Variants in OR5B3 observed in about 807,000 individuals in gnomAD.
OR5B3 encodes the protein olfactory receptor 5B3.
For synonymous variants in OR5B3, 150 were observed against 135.0 expected (o/e 1.11, Z -0.77); for missense variants, 430 against 375.4 (o/e 1.15, Z -1.20).
intron 1 of OR5B3, among the ~76,000 whole-genome samples, chr11:58,405,784 A>T (rs553961836): frequency 1.3e-5 from 2 of 152,258 alleles, no homozygotes; most frequent in South Asian, 4.1e-4. Flanking sequence ...AAAAAGACAC[A>T]TGTACCTGTA....
chr11:58,403,487 G>T (rs1386814443), intron 1 of OR5B3, 52 bp from the exon 2 acceptor site: 8 of 813,448 alleles, frequency 9.8e-6, no homozygotes, highest in Non-Finnish European at 1.6e-5. Context: ...AATTAAAATT[G>T]AAAAGTATAA....
rs151273431 is a variant in OR5B3 at position 58,402,758 on chromosome 11, A to G, written c.652T>C (p.Phe218Leu). The change falls in exon 2 of 2, where the codon TTC becomes CTC. Residue 218 changes from phenylalanine (F) to leucine (L), a missense_variant. Coordinates refer to ENST00000641865, the MANE Select transcript of OR5B3 (RefSeq NM_001005469.2). ...ATCTTTAGGATGGTGATAAAAATGA[A>G]TGTGTAGGATATCAAGATAACCAGG... ...ALLVILISYTFIFITILKMHS... is the reference protein window; with the variant it reads ...ALLVILISYTLIFITILKMHS... 1.9e-5 allele frequency: 31 copies of G among 1,613,932 alleles called. No individual in the cohort carries two copies. The African/African-American group carries it at 4.0e-4, about 21-fold the overall frequency.
At position 58,402,946 on chromosome 11, in the gene OR5B3, G is replaced by C. The variant is rs1161732467; in HGVS notation, c.464C>G (p.Ser155Cys). The stretch of plus-strand genomic sequence containing the variant: ...ACTAAATGTGTCCCCAGTGTGGATG[G>C]AGGCATTCAGGAAACCACAGAGGTA... ...GSYLCGFLNA[S>C]IHTGDTFSLS... Residue 155 changes from serine to cysteine, a missense_variant, in exon 2 of 2, where the codon TCC becomes TGC. Coordinates refer to ENST00000641865, the MANE Select transcript of OR5B3 (RefSeq NM_001005469.2). 1 of 1,613,712 alleles carries C rather than the reference G, an allele frequency of 6.2e-7. No homozygotes were observed. Among genetic ancestry groups the C allele is most frequent in the Middle Eastern group, 1.7e-4 (1 of 6,060 alleles).
intron 1 of OR5B3, among the ~76,000 whole-genome samples, chr11:58,404,787 C>G (rs1437318847): frequency 6.6e-6 from 1 of 152,028 alleles, no homozygotes; most frequent in Non-Finnish European, 1.5e-5. Flanking sequence ...TATGGGCTAT[C>G]TTTATTTAGC....
chr11:58,403,076 G>A lies in OR5B3; in HGVS notation c.334C>T (p.Leu112Phe), dbSNP rs750381687. The change falls in exon 2 of 2, where the codon CTC becomes TTC. Residue 112 changes from leucine (L) to phenylalanine (F), a missense_variant. By Grantham distance (22) the Leu-to-Phe change is conservative. Coordinates refer to ENST00000641865, the MANE Select transcript of OR5B3 (RefSeq NM_001005469.2). ...FVAFATVENY[L>F]LASMAYDRYA... ...CGGTCATAGGCCATTGAGGCCAAGA[G>A]GTAATTTTCCACAGTGGCAAAAGCT... is the stretch of plus-strand genomic sequence containing the variant. The A allele has an allele frequency of 6.2e-7, 1 of 1,614,066 alleles. No individual in the cohort carries two copies. The highest frequency in any genetic ancestry group is 8.5e-7 in the Non-Finnish European group (1 of 1,179,936).
chr11:58,403,997 G>A (rs981456550), intron 1 of OR5B3, among the ~76,000 whole-genome samples: 1 of 152,080 alleles, frequency 6.6e-6, no homozygotes, highest in African/African-American at 2.4e-5. Flanking sequence ...GGTCTAAACT[G>A]AATTTAAATC....
chr11:58,403,728 T>A (rs12575804), intron 1 of OR5B3, among the ~76,000 whole-genome samples: 4 of 152,048 alleles, frequency 2.6e-5, no homozygotes, highest in African/African-American at 4.8e-5. Flanking sequence ...TGCATCTATC[T>A]GTCAATTTAC....
chr11:58,405,816 C>G (rs536431725), intron 1 of OR5B3, among the ~76,000 whole-genome samples: 6 of 151,712 alleles, frequency 4.0e-5, no homozygotes, highest in Non-Finnish European at 8.8e-5. Flanking sequence ...ACGCTATTCA[C>G]AACAATGAAA....
rs1297657870 is a variant in OR5B3, at chr11:58,403,162, A to T, written c.248T>A (p.Phe83Tyr). The stretch of plus-strand genomic sequence containing the variant: ...AGAGATGACCTTGTCTTCTATAAGG[A>T]ATCCAGCCATGACGATGGGAGTGAC... ...SAVTPIVMAGFLIEDKVISYN... is the reference protein window; with the variant it reads ...SAVTPIVMAGYLIEDKVISYN... Residue 83 changes from phenylalanine (F) to tyrosine (Y), a missense_variant, in exon 2 of 2, where the codon TTC becomes TAC. By Grantham distance (22) the Phe-to-Tyr change is conservative. Coordinates refer to ENST00000641865, the MANE Select transcript of OR5B3 (RefSeq NM_001005469.2). 1 of 1,613,944 alleles carries T rather than the reference A, an allele frequency of 6.2e-7. No homozygotes were observed. The highest frequency in any genetic ancestry group is 8.5e-7 in the Non-Finnish European group (1 of 1,179,950).
At chr11:58,406,627 C>A (rs1387772448) in intron 1 of OR5B3, among the ~76,000 whole-genome samples, 174 bp downstream of exon 1, 3 of 152,112 alleles carry the variant, frequency 2.0e-5, no homozygotes, top group Middle Eastern at 3.4e-3. Flanking sequence ...TCATAAGAAC[C>A]ACTAAATTTC....
Position 58,402,698 on chromosome 11 carries a change from T to C in OR5B3, c.712A>G (p.Thr238Ala), listed in dbSNP as rs1590704534. 15 of 1,613,836 alleles carry C rather than the reference T, an allele frequency of 9.3e-6. No homozygotes were observed. The highest frequency in any genetic ancestry group is 1.7e-5 in the Admixed American group (1 of 59,912). Reference protein sequence around the residue: ...SASVYQKPLSTCASHFIAVGI... With the variant: ...SASVYQKPLSACASHFIAVGI... ...ACTGCAATGAAATGAGAGGCACAGG[T>C]GGACAAAGGCTTCTGGTATACTGAA... Residue 238 changes from threonine to alanine, a missense_variant, in exon 2 of 2, where the codon ACC becomes GCC. Transcript: ENST00000641865.
At position 58,402,860 on chromosome 11, in the gene OR5B3, C is replaced by T. The variant is rs367618469; in HGVS notation, c.550G>A (p.Val184Ile). The T allele has an allele frequency of 1.2e-6, 2 of 1,613,950 alleles. No homozygotes were observed. The highest frequency in any genetic ancestry group is 1.1e-5 in the South Asian group (1 of 91,076). ...HFFCDIPAVM[V>I]LSCSDRHISE... ...ATATGTCTATCAGAGCAAGAGAGAA[C>T]CATGACTGCTGGAATATCACAGAAA... is the stretch of plus-strand genomic sequence containing the variant. Residue 184 changes from valine to isoleucine, a missense_variant, in exon 2 of 2, where the codon GTT becomes ATT. By Grantham distance (29) the Val-to-Ile change is conservative. Transcript: ENST00000641865.
rs1230408779 is a variant in OR5B3, at chr11:58,403,448, C to CA, written c.-26-14dup. 9.3e-7 allele frequency: 1 copy of CA among 1,077,334 alleles called. No homozygotes were observed. The highest frequency in any genetic ancestry group is 1.3e-6 in the Non-Finnish European group (1 of 744,516). The allele number at this position is 1,077,334 out of a possible 1,614,324, so 66.7% of individuals were successfully genotyped here. A position where few individuals can be genotyped will look rare whatever the true frequency, so the allele number is the denominator to read the frequency against. On this transcript the variant is annotated splice_polypyrimidine_tract_variant and intron_variant, in intron 1 of 1. Coordinates refer to ENST00000641865, the MANE Select transcript of OR5B3 (RefSeq NM_001005469.2). ...GACTCACAGGATGCTTGTAGCAATA[C>CA]AAAAAAGAACAGTGTGATAAATAAA...
chr11:58,405,411 G>T (rs901412630), intron 1 of OR5B3, among the ~76,000 whole-genome samples: 1 of 151,734 alleles, frequency 6.6e-6, no homozygotes, highest in Non-Finnish European at 1.5e-5. Context: ...GGAATACTAT[G>T]CAGCCATAAA....
chr11:58,402,552 C>CG lies in OR5B3; in HGVS notation c.857_858insC (p.Val287GlyfsTer3), dbSNP rs772019150. The CG allele has an allele frequency of 1.2e-6, 2 of 1,612,808 alleles. No homozygotes were observed. The highest frequency in any genetic ancestry group is 8.5e-7 in the Non-Finnish European group (1 of 1,179,076). On this transcript the variant is annotated frameshift_variant, in exon 2 of 2. Coordinates refer to ENST00000641865, the MANE Select transcript of OR5B3 (RefSeq NM_001005469.2). LOFTEE classifies it low-confidence loss of function (END_TRUNC). ...CTTCCTTGTTCCTCAGACTATAGAC[C>CG]AGAGGGTTCAGCATGGGGATGACCA...
chr11:58,405,455 G>A (rs1443307056), intron 1 of OR5B3, among the ~76,000 whole-genome samples: 2 of 152,138 alleles, frequency 1.3e-5, no homozygotes, highest in Admixed American at 1.3e-4. Flanking sequence ...CAGGGACATA[G>A]ATGGATCTGG....
intron 1 of OR5B3, among the ~76,000 whole-genome samples, chr11:58,404,692 A>G (rs372208793): frequency 6.6e-6 from 1 of 151,990 alleles, no homozygotes; most frequent in East Asian, 1.9e-4. Context: ...TGGGTAAAAA[A>G]GTTTCTTTTT....
At position 58,402,917 on chromosome 11, in the gene OR5B3, A is replaced by G. The variant is rs1855050511; in HGVS notation, c.493T>C (p.Ser165Pro). 3 of 1,613,926 alleles carry G rather than the reference A, an allele frequency of 1.9e-6. No individual in the cohort carries two copies. Among genetic ancestry groups the G allele is most frequent in the Non-Finnish European group, 2.5e-6 (3 of 1,179,902 alleles). The change falls in exon 2 of 2, where the codon TCT (serine) becomes CCT (proline). Residue 165 changes from serine to proline, a missense_variant. Transcript: ENST00000641865. ...SIHTGDTFSL[S>P]FCKSNEVHHF... ...TGGACTTCATTGGACTTACAGAAAGAGAGACTAAATGTGTCCCCAGTGTGG... is the reference window on the plus strand; with the variant it reads ...TGGACTTCATTGGACTTACAGAAAGGGAGACTAAATGTGTCCCCAGTGTGG...
intron 1 of OR5B3, among the ~76,000 whole-genome samples, chr11:58,406,325 A>G (rs748428430): frequency 2.0e-5 from 3 of 152,204 alleles, no homozygotes; most frequent in Non-Finnish European, 4.4e-5. Context: ...ATCCATCTTC[A>G]ATCTAATCAA....
Sources: allele counts gnomAD v4.1 joint callset (sites outside exome capture counted in the v4.1 genomes callset), GRCh38; gene constraint gnomAD v4.1.1; transcripts MANE v1.5; gene names NCBI Gene and HGNC (gene_info 2026-07-23, HGNC 2026-07-21).